PCDHGA7: variants seen among roughly 807,000 people sequenced by gnomAD.
The protein encoded by PCDHGA7 is protocadherin gamma-A7.
A neutral mutation model predicts 58.3 loss-of-function variants in PCDHGA7; 44 were observed. The observed-to-expected ratio is 0.75, with a 90% CI of 0.59 to 0.97. The LOEUF is 0.97. PCDHGA7 is among the 50% of genes least tolerant of loss of function. PCDHGA7 has a pLI of 0.00. For missense variants in PCDHGA7, 1,266 were observed against 1,188.7 expected, an observed-to-expected ratio of 1.06 and a Z score of -0.96; for synonymous variants, 516 against 504.2, an observed-to-expected ratio of 1.02 and a Z score of -0.31.
At chr5:141,504,450 T>C (rs931613781) in intron 2 of PCDHGA7, among the ~76,000 whole-genome samples, 1 of 151,918 alleles carries the variant, frequency 6.6e-6, no homozygotes, top group Non-Finnish European at 1.5e-5. Context: ...ACTAGTGCCA[T>C]GTGGGGCAGC....
Position 141,384,250 on chromosome 5 carries a change from A to C in PCDHGA7, c.1351A>C (p.Thr451Pro). 1 of 1,613,796 alleles carries C rather than the reference A, an allele frequency of 6.2e-7. No individual in the cohort carries two copies. The highest frequency in any genetic ancestry group is 2.2e-5 in the East Asian group (1 of 44,878). Residue 451 changes from threonine to proline, a missense_variant, in exon 1 of 4, where the codon ACC becomes CCC. Physicochemically the swap from Thr to Pro is conservative, Grantham distance 38. Transcript: ENST00000518325. ...GGCAGACACCAACGATAACCCACCC[A>C]CCTTCCCCCACTCATCCTACTCAGT... Reference protein sequence around the residue: ...QVADTNDNPPTFPHSSYSVYI... With the variant: ...QVADTNDNPPPFPHSSYSVYI...
intron 1 of PCDHGA7, chr5:141,386,033 G>A (rs1205491473): frequency 1.3e-5 from 2 of 152,154 alleles, no homozygotes; most frequent in Admixed American, 6.6e-5. Flanking sequence ...TTGTGACATA[G>A]GCAATTACAT....
intron 1 of PCDHGA7, among the ~76,000 whole-genome samples, chr5:141,479,789 T>C (rs888217885): frequency 3.3e-5 from 5 of 152,196 alleles, no homozygotes; most frequent in Non-Finnish European, 2.9e-5. Flanking sequence ...AAAGCATTCA[T>C]TAATTCAGGG....
Position 141,476,290 on chromosome 5 carries a change from C to G in PCDHGA7, c.2425-18517C>G, listed in dbSNP as rs768208156. The stretch of plus-strand genomic sequence containing the variant: ...TGGTCGCGAACCTTGGTTTGGATCT[C>G]GGTAGCCTCTCAGCCCGCAGGTTCC... On this transcript the variant is annotated intron_variant, in intron 1 of 3. Coordinates refer to ENST00000518325, the MANE Select transcript of PCDHGA7 (RefSeq NM_018920.4). The surrounding 1 kb of genome is among the most constrained non-coding windows in gnomAD (Gnocchi z 7.6). 1 of 1,614,050 alleles carries G rather than the reference C, an allele frequency of 6.2e-7. No homozygotes were observed. The highest frequency in any genetic ancestry group is 1.7e-5 in the Admixed American group (1 of 60,012).
At chr5:141,503,335 G>A (rs111643076) in intron 2 of PCDHGA7, among the ~76,000 whole-genome samples, 108 of 152,220 alleles carry the variant, frequency 7.1e-4, no homozygotes, top group African/African-American at 2.4e-3. Context: ...GGTGGCTCAC[G>A]CCTGTAATTC....
Position 141,493,022 on chromosome 5 carries a change from G to C in PCDHGA7, c.2425-1785G>C, listed in dbSNP as rs1184742888. On this transcript the variant is annotated intron_variant, in intron 1 of 3. Transcript: ENST00000518325. This position sits in a 1 kb window ranked among gnomAD's most constrained non-coding sequence, Gnocchi z 4.3. Reference sequence around the variant, plus strand: ...GCTATAGGCTCTGCCAGATGCCAGGGTGCCCTTATGTGTGAGGAAACTACA... The same window carrying C: ...GCTATAGGCTCTGCCAGATGCCAGGCTGCCCTTATGTGTGAGGAAACTACA... Among the ~76,000 whole-genome samples the C allele has an allele frequency of 6.6e-6, 1 of 152,222 alleles. No individual in the cohort carries two copies. Among genetic ancestry groups the C allele is most frequent in the Non-Finnish European group, 1.5e-5 (1 of 68,040 alleles).
At chr5:141,405,104 C>A in intron 1 of PCDHGA7, 3 of 1,613,940 alleles carry the variant, frequency 1.9e-6, no homozygotes, top group Non-Finnish European at 2.5e-6. Flanking sequence ...CAGGCTGAGG[C>A]ACTGGCACTC....
chr5:141,388,007 G>A (rs2091194433), intron 1 of PCDHGA7: 1 of 1,480,702 alleles, frequency 6.8e-7, no homozygotes, highest in Non-Finnish European at 9.1e-7. Context: ...CCGAGGAAAT[G>A]CCCAAGGGCT....
chr5:141,422,018 T>C, intron 1 of PCDHGA7: 1 of 1,610,840 alleles, frequency 6.2e-7, no homozygotes, highest in Non-Finnish European at 8.5e-7. Context: ...CGGGTGCTGA[T>C]GGTTAATGCA....
At chr5:141,468,560 T>TA (rs2099169084) in intron 1 of PCDHGA7, 1 of 152,004 alleles carries the variant, frequency 6.6e-6, no homozygotes, top group Non-Finnish European at 1.5e-5. Context: ...ATTTGTGATA[T>TA]AGTAAACAAT....
At chr5:141,461,989 A>G (rs2099028358) in intron 1 of PCDHGA7, among the ~76,000 whole-genome samples, 1 of 152,074 alleles carries the variant, frequency 6.6e-6, no homozygotes, top group African/African-American at 2.4e-5. Flanking sequence ...ACGCCAGGCT[A>G]ATTTTGTATT....
rs889285153 is a variant in PCDHGA7, at chr5:141,494,978, T to C, written c.2483+113T>C. ...TGCTACAGATGGCTTCTCCCTCAGT[T>C]TGAGATCCCAGGGAGGTCTTGGTGT... On this transcript the variant is annotated intron_variant, in intron 2 of 3. Transcript: ENST00000518325. 7.6e-6 allele frequency: 12 copies of C among 1,572,974 alleles called. No homozygotes were observed. In the Admixed American group the frequency reaches 1.3e-4, roughly 17 times the overall value.
At chr5:141,504,961 G>A (rs995382728) in intron 2 of PCDHGA7, among the ~76,000 whole-genome samples, 2 of 151,928 alleles carry the variant, frequency 1.3e-5, no homozygotes, top group Non-Finnish European at 2.9e-5. Flanking sequence ...TCAATGCATT[G>A]GACCAGCCTG....
chr5:141,508,731 A>C (rs1596169554), intron 3 of PCDHGA7, among the ~76,000 whole-genome samples: 6 of 145,538 alleles, frequency 4.1e-5, no homozygotes, highest in African/African-American at 5.1e-5. Context: ...GGGAGACTAC[A>C]CCCCCCACCC....
intron 1 of PCDHGA7, among the ~76,000 whole-genome samples, chr5:141,455,289 A>C (rs1592356100): frequency 6.6e-6 from 1 of 152,074 alleles, no homozygotes; most frequent in South Asian, 2.1e-4. Flanking sequence ...ATCACTTTAC[A>C]TAGTTTCATC....
intron 2 of PCDHGA7, among the ~76,000 whole-genome samples, chr5:141,501,907 G>T (rs4912761): frequency 0.59 from 89,145 of 151,782 alleles, 27,774 homozygotes; most frequent in African/African-American, 0.8. Context: ...CAACCCCACT[G>T]TTCCACTCAG....
At chr5:141,506,934 G>A (rs187503673) in intron 3 of PCDHGA7, among the ~76,000 whole-genome samples, 54 of 152,232 alleles carry the variant, frequency 3.5e-4, no homozygotes, top group African/African-American at 1.3e-3. Flanking sequence ...AAACTTTAGG[G>A]GCCTCCTGTC....
At chr5:141,434,497 G>A (rs986672351) in intron 1 of PCDHGA7, among the ~76,000 whole-genome samples, 2 of 152,214 alleles carry the variant, frequency 1.3e-5, no homozygotes, top group African/African-American at 4.8e-5. Context: ...CCCGCCCAGG[G>A]CAGAAAACTG....
chr5:141,455,143 T>C (rs984886337), intron 1 of PCDHGA7, among the ~76,000 whole-genome samples: 1 of 149,894 alleles, frequency 6.7e-6, no homozygotes, highest in Non-Finnish European at 1.5e-5. Flanking sequence ...CTGTGTTAAA[T>C]AAATATTAGT....
Sources: allele counts gnomAD v4.1 joint callset (sites outside exome capture counted in the v4.1 genomes callset), GRCh38; gene constraint gnomAD v4.1.1; non-coding constraint Gnocchi (gnomAD v3.1); transcripts MANE v1.5; gene names NCBI Gene and HGNC (gene_info 2026-07-23, HGNC 2026-07-21).